PTPRT: variants seen among roughly 807,000 people sequenced by gnomAD.
PTPRT encodes receptor-type tyrosine-protein phosphatase T.
Under a neutral mutation model 176.8 loss-of-function variants are expected in PTPRT, and 56 were observed. The observed-to-expected ratio is 0.32, with a 90% CI of 0.26 to 0.40. The LOEUF (loss-of-function observed/expected upper bound fraction) is 0.40, where lower values mean the gene tolerates loss of function less well. Ranked by LOEUF, PTPRT falls within the 10% of genes least tolerant of loss-of-function variation. PTPRT has a pLI of 1.00. For synonymous variants in PTPRT, 783 were observed against 739.0 expected (o/e 1.06, Z -0.96); for missense variants, 1,540 against 1,908.2 (o/e 0.81, Z 3.60).
At chr20:42,728,385 T>C (rs2076410706) in intron 6 of PTPRT, among the ~76,000 whole-genome samples, 2 of 152,150 alleles carry the variant, frequency 1.3e-5, no homozygotes, top group Admixed American at 6.5e-5. Flanking sequence ...AGTGCCTCAC[T>C]TGTGAGCAAA....
At chr20:42,854,609 T>C (rs1397564278) in intron 2 of PTPRT, among the ~76,000 whole-genome samples, 1 of 152,206 alleles carries the variant, frequency 6.6e-6, no homozygotes, top group South Asian at 2.1e-4. Flanking sequence ...CCCTCACCTA[T>C]AGAGACTCAT....
rs10622472 is a variant in PTPRT at position 43,182,834 on chromosome 20, C to CAAAA, written c.88+6808_88+6811dup. ...TCCTCTGTTCATCAAACCAAAGGCG[C>CAAAA]AAAAAAAACAAAACAAAACAAAACA... On this transcript the variant is annotated intron_variant, in intron 1 of 30. Transcript: ENST00000373187. 1.5e-4 allele frequency among the ~76,000 whole-genome samples: 22 copies of CAAAA among 150,848 alleles called. No homozygotes were observed. The East Asian group carries it at 1.9e-3, about 13-fold the overall frequency.
chr20:43,054,434 G>A (rs561219789), intron 1 of PTPRT, among the ~76,000 whole-genome samples: 1 of 152,118 alleles, frequency 6.6e-6, no homozygotes, highest in South Asian at 2.1e-4. Flanking sequence ...TCTGCATATA[G>A]TCCCAGGTAC....
intron 1 of PTPRT, among the ~76,000 whole-genome samples, chr20:43,072,903 C>G (rs144678229): frequency 2.6e-5 from 4 of 152,152 alleles, no homozygotes; most frequent in African/African-American, 9.7e-5. Context: ...AAGCTCACAT[C>G]CTTTTAAGTT....
chr20:42,880,884 A>G (rs2079002308), intron 2 of PTPRT, among the ~76,000 whole-genome samples: 1 of 152,204 alleles, frequency 6.6e-6, no homozygotes, highest in African/African-American at 2.4e-5. Context: ...CATTACTTTC[A>G]ATGGCAAATA....
intron 18 of PTPRT, among the ~76,000 whole-genome samples, chr20:42,140,761 T>C (rs1413761002): frequency 1.3e-5 from 2 of 152,176 alleles, no homozygotes; most frequent in African/African-American, 2.4e-5. Flanking sequence ...CCACAGGACA[T>C]GTCCTGAGTA....
At chr20:42,627,885 C>T (rs565467017) in intron 7 of PTPRT, among the ~76,000 whole-genome samples, 6 of 152,030 alleles carry the variant, frequency 3.9e-5, no homozygotes, top group Non-Finnish European at 5.9e-5. Flanking sequence ...TGATCAGTAA[C>T]GAATGGGGAA....
At chr20:42,233,738 G>A (rs1410397233) in intron 15 of PTPRT, among the ~76,000 whole-genome samples, 1 of 152,126 alleles carries the variant, frequency 6.6e-6, no homozygotes, top group Non-Finnish European at 1.5e-5. Context: ...TGACCGTCAT[G>A]GGGGCCTTGG....
In PTPRT at chr20:42,295,849, C is replaced by G. The variant is rs192337209; in HGVS notation, c.2140-13324G>C. ...TGCTATTCTTGTCATAGTGAGTTTT[C>G]ATGAGATCAGATGGTTTTATAAGGG... On this transcript the variant is annotated intron_variant, in intron 12 of 30. Transcript: ENST00000373187. Among the ~76,000 whole-genome samples, 279 of 152,242 alleles carry G rather than the reference C, an allele frequency of 1.8e-3. 1 individual carries two copies. Among genetic ancestry groups the G allele is most frequent in the African/African-American group, 6.5e-3 (270 of 41,550 alleles).
At chr20:42,994,191 C>CGA (rs924348725) in intron 1 of PTPRT, among the ~76,000 whole-genome samples, 1 of 152,180 alleles carries the variant, frequency 6.6e-6, no homozygotes, top group Non-Finnish European at 1.5e-5. Flanking sequence ...GCAGTTCTAT[C>CGA]GAGACCATGT....
At position 42,756,706 on chromosome 20, in the gene PTPRT, G is replaced by C. The variant is rs750976271; in HGVS notation, c.685-70C>G. 16 of 1,327,254 alleles carry C rather than the reference G, an allele frequency of 1.2e-5. No individual in the cohort carries two copies. The African/African-American group carries it at 2.2e-4, about 18-fold the overall frequency. The allele number at this position is 1,327,254 out of a possible 1,614,324, so 82.2% of individuals were successfully genotyped here. A position where few individuals can be genotyped will look rare whatever the true frequency, so the allele number is the denominator to read the frequency against. The stretch of plus-strand genomic sequence containing the variant: ...TAGGCTTCTAGGTGACTCCCAACAC[G>C]GATATCCACCCATCCTCACACCCCT... On this transcript the variant is annotated intron_variant, in intron 5 of 30. Coordinates refer to ENST00000373187, the MANE Select transcript of PTPRT (RefSeq NM_007050.6).
chr20:42,902,181 T>C (rs1007625577), intron 1 of PTPRT, among the ~76,000 whole-genome samples: 1 of 152,144 alleles, frequency 6.6e-6, no homozygotes, highest in Non-Finnish European at 1.5e-5. Flanking sequence ...CCTCTTCTTC[T>C]GAAAGTGACT....
At chr20:42,108,069 A>G (rs1986638191) in intron 23 of PTPRT, among the ~76,000 whole-genome samples, 2 of 152,094 alleles carry the variant, frequency 1.3e-5, no homozygotes, top group South Asian at 4.2e-4. Context: ...TTTTTTCTTC[A>G]ATGTTCATAT....
intron 2 of PTPRT, among the ~76,000 whole-genome samples, chr20:42,867,156 T>A (rs765792777): frequency 1.2e-4 from 18 of 152,202 alleles, no homozygotes; most frequent in Non-Finnish European, 1.8e-4. Context: ...CCATAAAATA[T>A]CCATTGTTGT....
chr20:42,110,501 G>T lies in PTPRT; in HGVS notation c.3100-14C>A, dbSNP rs762571342. 6.3e-7 allele frequency: 1 copy of T among 1,583,920 alleles called. No individual in the cohort carries two copies. Among genetic ancestry groups the T allele is most frequent in the Non-Finnish European group, 8.6e-7 (1 of 1,161,210 alleles). ...ATGGTAGCCTTTCTGAGGAAAGAAC[G>T]GGCCTCTGTTCTTCCAGCTGCTGCC... On this transcript the variant is annotated splice_polypyrimidine_tract_variant and intron_variant, in intron 22 of 30. Transcript: ENST00000373187.
intron 2 of PTPRT, among the ~76,000 whole-genome samples, chr20:42,829,646 A>T (rs2078054188): frequency 6.6e-6 from 1 of 152,238 alleles, no homozygotes; most frequent in Non-Finnish European, 1.5e-5. Flanking sequence ...CATGAAAAAC[A>T]TTCAAAAGAT....
chr20:42,252,523 G>A (rs2056564230), intron 13 of PTPRT, among the ~76,000 whole-genome samples: 1 of 152,142 alleles, frequency 6.6e-6, no homozygotes, highest in Non-Finnish European at 1.5e-5. Context: ...CAGGTAGGAA[G>A]TAAACCTGGG....
chr20:42,562,564 T>A (rs1238285794), intron 7 of PTPRT, among the ~76,000 whole-genome samples: 1 of 152,246 alleles, frequency 6.6e-6, no homozygotes, highest in Admixed American at 6.5e-5. Context: ...ATTACCAACA[T>A]TCTTATGTGG....
chr20:42,046,478 A>G, the PTPRT span, among the ~76,000 whole-genome samples: 1 of 152,240 alleles, frequency 6.6e-6, no homozygotes. Context: ...TTGCAGCAGA[A>G]AACATGATCA....
Sources: gnomAD v4.1 joint callset for allele counts (sites outside exome capture counted in the v4.1 genomes callset) on GRCh38, gnomAD v4.1.1 for gene constraint, MANE v1.5 for transcripts, NCBI Gene and HGNC (gene_info 2026-07-23, HGNC 2026-07-21) for gene names.